ANKS1B: variants seen among roughly 807,000 people sequenced by gnomAD.
The protein encoded by ANKS1B is ankyrin repeat and sterile alpha motif domain containing 1B.
ANKS1B carries 36 observed loss-of-function variants against 148.3 expected under a neutral mutation model. The observed-to-expected ratio is 0.24, with a 90% CI of 0.19 to 0.32. The LOEUF (loss-of-function observed/expected upper bound fraction) is 0.32. Ranked by LOEUF, ANKS1B falls within the 10% of genes least tolerant of loss-of-function variation. The pLI, the probability that ANKS1B is intolerant of heterozygous loss-of-function variation, is 1.00. For synonymous variants in ANKS1B, 542 were observed against 560.8 expected (o/e 0.97, Z 0.47); for missense variants, 1,157 against 1,542.6 (o/e 0.75, Z 4.19).
At chr12:99,150,892 T>A (rs1418490127) in intron 15 of ANKS1B, among the ~76,000 whole-genome samples, 8 of 151,686 alleles carry the variant, frequency 5.3e-5, no homozygotes, top group Non-Finnish European at 1.5e-5. Context: ...GATAAACAGG[T>A]AAGGTGGGAT....
intron 1 of ANKS1B, among the ~76,000 whole-genome samples, chr12:99,860,290 A>T (rs1476839957): frequency 6.6e-6 from 1 of 152,198 alleles, no homozygotes; most frequent in South Asian, 2.1e-4. Flanking sequence ...AAAGGCAAAA[A>T]CTACCTTCTA....
chr12:99,105,965 T>G (rs1263156545), intron 15 of ANKS1B, among the ~76,000 whole-genome samples: 1 of 152,104 alleles, frequency 6.6e-6, no homozygotes, highest in East Asian at 1.9e-4. Flanking sequence ...GACCCAATTT[T>G]GAAGCTGGTC....
intron 10 of ANKS1B, among the ~76,000 whole-genome samples, chr12:99,449,245 T>C (rs556932821): frequency 6.6e-6 from 1 of 152,266 alleles, no homozygotes; most frequent in African/African-American, 2.4e-5. Flanking sequence ...CTAAAGTCTT[T>C]ACGGATCCAT....
chr12:99,919,663 G>A (rs2094288508), intron 1 of ANKS1B, among the ~76,000 whole-genome samples: 2 of 152,026 alleles, frequency 1.3e-5, no homozygotes, highest in Middle Eastern at 6.8e-3. Flanking sequence ...CATAGGGGTA[G>A]ACATGGATAT....
chr12:99,313,150 T>C (rs993049686), intron 12 of ANKS1B, among the ~76,000 whole-genome samples: 1 of 152,146 alleles, frequency 6.6e-6, no homozygotes, highest in African/African-American at 2.4e-5. Context: ...AACAACTATA[T>C]GCAAATAAAC....
exon 10 of ANKS1B, chr12:98,735,063 C>T (rs563089249): frequency 1.3e-5 from 5 of 395,718 alleles, no homozygotes; most frequent in African/African-American, 1.0e-4. Flanking sequence ...GCCTGGGTGA[C>T]ATAGCAAGAC....
intron 19 of ANKS1B, among the ~76,000 whole-genome samples, chr12:98,808,559 C>T (rs2099068811): frequency 6.6e-6 from 1 of 152,110 alleles, no homozygotes; most frequent in Non-Finnish European, 1.5e-5. Context: ...CAGTTCTGTT[C>T]CTCAAGCAGA....
At chr12:99,237,003 T>G (rs1301337610) in intron 14 of ANKS1B, among the ~76,000 whole-genome samples, 1 of 152,082 alleles carries the variant, frequency 6.6e-6, no homozygotes, top group African/African-American at 2.4e-5. Context: ...GGTACTAGGC[T>G]TAATACCTGG....
At chr12:99,293,879 T>C (rs1174822137) in intron 12 of ANKS1B, among the ~76,000 whole-genome samples, 1 of 152,198 alleles carries the variant, frequency 6.6e-6, no homozygotes, top group East Asian at 1.9e-4. Context: ...TGAATAGACA[T>C]TTATCAAAAG....
At chr12:98,984,561 CA>C (rs1226781532) in intron 17 of ANKS1B, among the ~76,000 whole-genome samples, 1 of 152,232 alleles carries the variant, frequency 6.6e-6, no homozygotes, top group African/African-American at 2.4e-5. Context: ...CTGCTTTCCA[CA>C]TAACTGCAAG....
intron 9 of ANKS1B, among the ~76,000 whole-genome samples, chr12:99,570,054 A>G (rs866959488): frequency 6.6e-6 from 1 of 152,078 alleles, no homozygotes; most frequent in Non-Finnish European, 1.5e-5. Flanking sequence ...AACTCACCCA[A>G]GTATCTTTTG....
At chr12:99,789,898 A>G (rs997995450) in intron 4 of ANKS1B, among the ~76,000 whole-genome samples, 3 of 152,138 alleles carry the variant, frequency 2.0e-5, no homozygotes. Flanking sequence ...TCTAAAAGTT[A>G]CTGGCCTTAA....
chr12:99,894,571 C>G (rs1480141836), intron 1 of ANKS1B, among the ~76,000 whole-genome samples: 1 of 135,678 alleles, frequency 7.4e-6, no homozygotes, highest in African/African-American at 2.6e-5. Context: ...GTTCAACTTA[C>G]AATTTTTCAA....
chr12:99,515,242 G>A (rs1567249253), intron 9 of ANKS1B, among the ~76,000 whole-genome samples: 1 of 151,936 alleles, frequency 6.6e-6, no homozygotes, highest in Non-Finnish European at 1.5e-5. Context: ...CGCCCCTGTT[G>A]TGATATCAAA....
chr12:99,047,000 GA>G (rs137884809), intron 17 of ANKS1B, among the ~76,000 whole-genome samples: 1,730 of 151,824 alleles, frequency 0.011, 46 homozygotes, highest in East Asian at 0.094. Context: ...AAAAAAGACT[GA>G]AAAAAAATGA....
chr12:99,455,311 T>G (rs2137189), intron 10 of ANKS1B, among the ~76,000 whole-genome samples: 29,320 of 151,892 alleles, frequency 0.19, 3,009 homozygotes, highest in South Asian at 0.23. Flanking sequence ...GGGAAAAAGG[T>G]GGATAGGAGG....
intron 17 of ANKS1B, among the ~76,000 whole-genome samples, chr12:98,902,492 A>G (rs550391426): frequency 3.1e-4 from 47 of 152,330 alleles, no homozygotes; most frequent in African/African-American, 1.1e-3. Flanking sequence ...GAATCAGATC[A>G]TAAAATCTGA....
At chr12:99,102,920 T>A (rs902753476) in intron 15 of ANKS1B, among the ~76,000 whole-genome samples, 1 of 151,806 alleles carries the variant, frequency 6.6e-6, no homozygotes, top group African/African-American at 2.4e-5. Flanking sequence ...CCGATAGATA[T>A]GTGTTTTGAA....
chr12:99,653,671 T>C, intron 9 of ANKS1B, among the ~76,000 whole-genome samples: 1 of 137,240 alleles, frequency 7.3e-6, no homozygotes, highest in East Asian at 2.7e-4. Context: ...TCTTCCTTTC[T>C]TTCTTTCTTT....
Sources: allele counts gnomAD v4.1 joint callset (sites outside exome capture counted in the v4.1 genomes callset), GRCh38; gene constraint gnomAD v4.1.1; transcripts MANE v1.5; gene names NCBI Gene and HGNC (gene_info 2026-07-23, HGNC 2026-07-21).